Variants in INSL6 observed in about 807,000 individuals in gnomAD.
INSL6 encodes the protein insulin-like peptide INSL6.
In INSL6, 16 loss-of-function variants were observed where a neutral mutation model predicts 9.4. The observed-to-expected ratio is 1.70, with a 90% confidence interval of 1.15 to 2.59. The LOEUF is 2.59. INSL6 is among the 30% of genes most tolerant of loss of function. The probability of loss-of-function intolerance (pLI) is 0.00; values close to 1 mark genes in which losing one functional copy is unlikely to be tolerated. For missense variants in INSL6, 391 were observed against 257.3 expected (o/e 1.52, Z -3.56); for synonymous variants, 154 against 96.9 (o/e 1.59, Z -3.46).
chr9:5,075,565 A>G, the INSL6 span, among the ~76,000 whole-genome samples: 68 of 152,334 alleles, frequency 4.5e-4, no homozygotes, highest in South Asian at 0.014. Flanking sequence ...ATCTGTTTAT[A>G]GCATGGTTTA....
the INSL6 span, chr9:5,073,547 C>A: frequency 1.6e-6 from 1 of 624,176 alleles, no homozygotes; most frequent in South Asian, 1.9e-5. Flanking sequence ...AGTTGCAGGT[C>A]CATATAAAGG....
At chr9:5,164,330 T>C in intron 1 of INSL6, 65 bp from the exon 2 acceptor site, 2 of 1,005,384 alleles carry the variant, frequency 2.0e-6, no homozygotes, top group Non-Finnish European at 3.0e-6. Context: ...AAATTTAATA[T>C]TGGAACAGTA....
intron 2 of INSL6, among the ~76,000 whole-genome samples, chr9:5,150,846 GACACACACAC>G (rs59479266): frequency 1.0e-4 from 15 of 146,366 alleles, no homozygotes; most frequent in East Asian, 6.0e-4. Flanking sequence ...GGATAAAGGA[GACACACACAC>G]ACACACACAC....
chr9:5,084,911 T>C, the INSL6 span: 1 of 483,608 alleles, frequency 2.1e-6, no homozygotes. Context: ...TTTTTGGTTA[T>C]CTGCACATGA....
chr9:5,046,915 T>C, the INSL6 span, among the ~76,000 whole-genome samples: 1 of 152,162 alleles, frequency 6.6e-6, no homozygotes, highest in Non-Finnish European at 1.5e-5. Flanking sequence ...AGCCAAGTTT[T>C]CCCAAACTAT....
chr9:5,046,152 G>A, the INSL6 span, among the ~76,000 whole-genome samples: 1 of 152,088 alleles, frequency 6.6e-6, no homozygotes, highest in East Asian at 1.9e-4. Context: ...CTTTTCATAT[G>A]CTTGTTGGCC....
the INSL6 span, chr9:5,022,143 A>C: frequency 1.9e-6 from 3 of 1,614,228 alleles, no homozygotes; most frequent in Non-Finnish European, 2.5e-6. Flanking sequence ...AATCTGAGGC[A>C]GATTATCTGA....
chr9:5,165,451 T>G (rs1435344712), intron 1 of INSL6, among the ~76,000 whole-genome samples: 1 of 152,166 alleles, frequency 6.6e-6, no homozygotes, highest in Non-Finnish European at 1.5e-5. Flanking sequence ...ACATTTTCCA[T>G]TTTTTGATTA....
Position 5,185,328 on chromosome 9 carries a change from C to T in INSL6, c.275G>A (p.Arg92Lys), listed in dbSNP as rs1404023755. 1.2e-6 allele frequency: 2 copies of T among 1,614,176 alleles called. No individual in the cohort carries two copies. Among genetic ancestry groups the T allele is most frequent in the Non-Finnish European group, 1.7e-6 (2 of 1,180,028 alleles). Residue 92 changes from arginine to lysine, a missense_variant, in exon 1 of 2, where the codon AGA (arginine) becomes AAA (lysine). Physicochemically the swap from Arg to Lys is conservative, Grantham distance 26. Transcript: ENST00000381641. ...SPQTASPARG[R>K]GTNPVSTSWE... Reference sequence around the variant, plus strand: ...TCGATTTTTACCTGGGTTTGTGCCTCTTCCCCGGGCCGGGGAAGCGGTTTG... The same window carrying T: ...TCGATTTTTACCTGGGTTTGTGCCTTTTCCCCGGGCCGGGGAAGCGGTTTG...
the INSL6 span, among the ~76,000 whole-genome samples, chr9:5,075,968 C>T: frequency 4.6e-5 from 7 of 152,168 alleles, no homozygotes; most frequent in East Asian, 1.4e-3. Flanking sequence ...TTCATTCTAA[C>T]CCTCCTGGAT....
the INSL6 span, chr9:5,081,972 A>C: frequency 1.1e-6 from 1 of 906,418 alleles, no homozygotes; most frequent in Non-Finnish European, 1.7e-6. Context: ...CTTGTAGAAA[A>C]AAAAGGTTTG....
the INSL6 span, chr9:5,109,591 A>G: frequency 6.6e-6 from 1 of 152,160 alleles, no homozygotes; most frequent in African/African-American, 2.4e-5. Context: ...TCATACCCAA[A>G]TTACATAAAA....
At chr9:5,059,647 C>T in the INSL6 span, among the ~76,000 whole-genome samples, 2 of 152,114 alleles carry the variant, frequency 1.3e-5, no homozygotes, top group Non-Finnish European at 2.9e-5. Context: ...GTAGTTCTAT[C>T]AGTTCACTCT....
At chr9:5,173,627 G>A (rs958948771) in intron 1 of INSL6, among the ~76,000 whole-genome samples, 1 of 152,096 alleles carries the variant, frequency 6.6e-6, no homozygotes, top group Non-Finnish European at 1.5e-5. Context: ...GGTTGGGGGA[G>A]GGCCAGCATC....
the INSL6 span, among the ~76,000 whole-genome samples, chr9:5,013,507 A>G: frequency 6.6e-6 from 1 of 152,206 alleles, no homozygotes; most frequent in Non-Finnish European, 1.5e-5. Context: ...TTTCTGTGGA[A>G]AAGTTGAGAA....
the INSL6 span, among the ~76,000 whole-genome samples, chr9:5,070,752 C>A: frequency 2.2e-4 from 33 of 151,860 alleles, no homozygotes; most frequent in African/African-American, 7.2e-4. Flanking sequence ...CCTGTGCAGT[C>A]CAAACCCATG....
At chr9:5,119,459 T>G (rs1005249980), downstream of INSL6, among the ~76,000 whole-genome samples, 2 of 152,066 alleles carry the variant, frequency 1.3e-5, no homozygotes, top group African/African-American at 4.8e-5. Context: ...TTATATAAGC[T>G]TTGGGACCTG....
At chr9:5,019,500 CATT>C in the INSL6 span, among the ~76,000 whole-genome samples, 2 of 151,952 alleles carry the variant, frequency 1.3e-5, no homozygotes, top group Non-Finnish European at 2.9e-5. Flanking sequence ...TCTTTAATAT[CATT>C]ATTTTTAATT....
chr9:5,095,151 A>T, the INSL6 span: 1 of 152,154 alleles, frequency 6.6e-6, no homozygotes, highest in Admixed American at 6.6e-5. Flanking sequence ...ATTAAACCAT[A>T]TCCTAAAGTA....
Sources: allele counts gnomAD v4.1 joint callset (sites outside exome capture counted in the v4.1 genomes callset), GRCh38; gene constraint gnomAD v4.1.1; transcripts MANE v1.5; gene names NCBI Gene and HGNC (gene_info 2026-07-23, HGNC 2026-07-21).